The following COL27A1 variants were observed in gnomAD, a reference collection of about 807,000 sequenced individuals.
COL27A1 encodes collagen alpha-1(XXVII) chain.
In COL27A1, 106 loss-of-function variants were observed where a neutral mutation model predicts 251.3. The observed-to-expected ratio is 0.42, with a 90% CI of 0.36 to 0.50. The LOEUF is 0.50. Among genes scored for constraint, COL27A1 ranks in the 20% least tolerant of loss-of-function variants. COL27A1 has a pLI of 0.00. For synonymous variants in COL27A1, 1,000 were observed against 986.3 expected (o/e 1.01, Z -0.26); for missense variants, 2,325 against 2,522.8 (o/e 0.92, Z 1.68).
rs2131615999 is a variant in COL27A1 at position 114,288,475 on chromosome 9, C to A, written c.4008C>A (p.Gly1336=). The A allele has an allele frequency of 6.2e-7, 1 of 1,610,262 alleles. No individual in the cohort carries two copies. The highest frequency in any genetic ancestry group is 1.7e-5 in the Admixed American group (1 of 59,558). ...CACAGGGGGAGCAGGGCGAGGACGG[C>A]AAGGCTGAGGGGCCCCCTGGGCCAC... ...KGEKGEQGED[G]KAEGPPGPPG... The change falls in exon 42 of 61, where the codon GGC becomes GGA. Residue 1336 remains glycine (G), a synonymous_variant. Transcript: ENST00000356083.
intron 4 of COL27A1, among the ~76,000 whole-genome samples, chr9:114,178,748 C>G (rs769831528): frequency 2.0e-5 from 3 of 152,138 alleles, no homozygotes; most frequent in Non-Finnish European, 2.9e-5. Context: ...ACATAGGTAC[C>G]TGGAGGGGCC....
intron 28 of COL27A1, 41 bp from the exon 29 acceptor site, chr9:114,264,314 C>A (rs1392417020): frequency 5.3e-6 from 8 of 1,503,308 alleles, no homozygotes; most frequent in Non-Finnish European, 6.3e-6. Flanking sequence ...CCGAGGGAGA[C>A]CCCTGCTGTC....
chr9:114,240,438 A>C lies in COL27A1; in HGVS notation c.2786A>C (p.Lys929Thr). 6.2e-7 allele frequency: 1 copy of C among 1,613,570 alleles called. No homozygotes were observed. Among genetic ancestry groups the C allele is most frequent in the African/African-American group, 1.3e-5 (1 of 75,044 alleles). ...TTTTTGTTCCCTTCTCCCCAGGGTA[A>C]GCCTGGAGCCCGAGGCCTGCCGGGA... is the stretch of plus-strand genomic sequence containing the variant. ...GDNGPEGMKG[K>T]PGARGLPGPR... Residue 929 changes from lysine to threonine, a missense_variant, in exon 21 of 61, where the codon AAG becomes ACG. Physicochemically the swap from Lys to Thr is moderately conservative, Grantham distance 78. Around this residue, in one of 4 missense-constraint regions of COL27A1, gnomAD observed 662 missense variants for 795.3 expected, o/e 0.83. Transcript: ENST00000356083.
rs749298046 is a variant in COL27A1, at chr9:114,169,295, C to G, written c.1740C>G (p.Pro580=). ...DLTTRPSPRQ[P]QPSQQTTPAL... Reference sequence around the variant, plus strand: ...CAACCAGGCCTAGCCCCAGACAGCCCCAGCCCAGTCAGCAGACCACCCCGG... The same window carrying G: ...CAACCAGGCCTAGCCCCAGACAGCCGCAGCCCAGTCAGCAGACCACCCCGG... The change falls in exon 3 of 61, where the codon CCC becomes CCG. Residue 580 remains proline, a synonymous_variant. Coordinates refer to ENST00000356083, the MANE Select transcript of COL27A1 (RefSeq NM_032888.4). 1.4e-5 allele frequency: 23 copies of G among 1,612,690 alleles called. No individual in the cohort carries two copies. The highest frequency in any genetic ancestry group is 1.7e-5 in the Non-Finnish European group (20 of 1,179,492).
At position 114,287,741 on chromosome 9, in the gene COL27A1, C is replaced by T. The variant is rs570310093; in HGVS notation, c.3988-714C>T. On this transcript the variant is annotated intron_variant, in intron 41 of 60. Transcript: ENST00000356083. ...ACACAGCCCCCATGCTGACTGGCTG[C>T]CAAGTGCCACCTGGGGCTACCATGG... 3.3e-5 allele frequency among the ~76,000 whole-genome samples: 5 copies of T among 152,270 alleles called. No individual in the cohort carries two copies. In the South Asian group the frequency reaches 1.0e-3, roughly 32 times the overall value.
intron 1 of COL27A1, 91 bp from the exon 2 acceptor site, chr9:114,162,624 G>A: frequency 1.1e-6 from 1 of 917,916 alleles, no homozygotes; most frequent in Non-Finnish European, 1.8e-6. Flanking sequence ...GGTGAGACTG[G>A]GACTGGTTTC....
At chr9:114,193,670 G>A (rs1028064508) in intron 5 of COL27A1, among the ~76,000 whole-genome samples, 8 of 152,136 alleles carry the variant, frequency 5.3e-5, no homozygotes, top group Admixed American at 2.0e-4. Context: ...AATCTAGTGC[G>A]GTGAGGGATA....
chr9:114,175,408 C>T (rs1487529499), intron 3 of COL27A1, among the ~76,000 whole-genome samples: 1 of 152,222 alleles, frequency 6.6e-6, no homozygotes, highest in Non-Finnish European at 1.5e-5. Flanking sequence ...GGCAGGGTCT[C>T]GGATCAGGGG....
Position 114,192,286 on chromosome 9 carries a change from C to T in COL27A1, c.2017-2118C>T, listed in dbSNP as rs895548004. Reference sequence around the variant, plus strand: ...TATCAGCTGCAGATCGAGGTGGGCACAGGCTGGCTGAGAAAGAGCTGCTGT... The same window carrying T: ...TATCAGCTGCAGATCGAGGTGGGCATAGGCTGGCTGAGAAAGAGCTGCTGT... On this transcript the variant is annotated intron_variant, in intron 5 of 60. Transcript: ENST00000356083. Among the ~76,000 whole-genome samples, 7 of 152,294 alleles carry T rather than the reference C, an allele frequency of 4.6e-5. No individual in the cohort carries two copies. The South Asian group carries it at 1.5e-3, about 32-fold the overall frequency.
At chr9:114,165,637 TATCCATCCATTTATCC>T (rs937389452) in intron 2 of COL27A1, among the ~76,000 whole-genome samples, 21 of 124,506 alleles carry the variant, frequency 1.7e-4, no homozygotes, top group Non-Finnish European at 2.9e-4. Flanking sequence ...ACTATCCATT[TATCCATCCATTTATCC>T]ATCCATCCAT....
chr9:114,241,170 G>T (rs1319404091), intron 21 of COL27A1, among the ~76,000 whole-genome samples: 1 of 152,248 alleles, frequency 6.6e-6, no homozygotes, highest in Non-Finnish European at 1.5e-5. Context: ...GCACTTAATG[G>T]GTGGGCCCCT....
intron 27 of COL27A1, among the ~76,000 whole-genome samples, chr9:114,253,842 C>T (rs1833744477): frequency 6.6e-6 from 1 of 152,186 alleles, no homozygotes; most frequent in Non-Finnish European, 1.5e-5. Flanking sequence ...TCCATTCACT[C>T]ATTCACTCTG....
intron 41 of COL27A1, among the ~76,000 whole-genome samples, chr9:114,285,695 G>A (rs1827426991): frequency 1.3e-5 from 2 of 152,204 alleles, no homozygotes; most frequent in African/African-American, 2.4e-5. Flanking sequence ...CGCCCCAGCC[G>A]ATTCCACAGG....
chr9:114,297,088 A>C (rs532532842), intron 49 of COL27A1, among the ~76,000 whole-genome samples: 1 of 152,342 alleles, frequency 6.6e-6, no homozygotes, highest in South Asian at 2.1e-4. Flanking sequence ...GGGTGTGAGG[A>C]AAGTTTCTGG....
intron 19 of COL27A1, among the ~76,000 whole-genome samples, chr9:114,239,369 A>G (rs940633367): frequency 2.2e-4 from 33 of 152,374 alleles, no homozygotes; most frequent in African/African-American, 7.7e-4. Flanking sequence ...TGCTGGTTCC[A>G]TTTAAACTTA....
chr9:114,248,915 C>T (rs1833338629), intron 24 of COL27A1, among the ~76,000 whole-genome samples: 1 of 152,190 alleles, frequency 6.6e-6, no homozygotes, highest in African/African-American at 2.4e-5. Context: ...TGACTGCTCC[C>T]TTGTGGGAAG....
chr9:114,206,363 G>A (rs1358099612), intron 10 of COL27A1, 67 bp downstream of exon 10: 2 of 1,513,438 alleles, frequency 1.3e-6, no homozygotes, highest in Non-Finnish European at 1.8e-6. Flanking sequence ...CCCTCCAGTG[G>A]GCTTGATGGG....
At position 114,168,814 on chromosome 9, in the gene COL27A1, G is replaced by C. The variant is rs761618564; in HGVS notation, c.1259G>C (p.Arg420Pro). 1.2e-6 allele frequency: 2 copies of C among 1,613,828 alleles called. No homozygotes were observed. Among genetic ancestry groups the C allele is most frequent in the Non-Finnish European group, 1.7e-6 (2 of 1,179,966 alleles). Residue 420 changes from arginine to proline, a missense_variant, in exon 3 of 61, where the codon CGT becomes CCT. Transcript: ENST00000356083. ...TSRPVPARVS[R>P]PAEKPIQRNP... ...CGTCCAGTTCCTGCCAGAGTCTCCC[G>C]TCCCGCAGAGAAGCCCATCCAGAGG...
At chr9:114,306,253 G>A (rs1447209365) in intron 57 of COL27A1, 12 of 359,996 alleles carry the variant, frequency 3.3e-5, no homozygotes, top group East Asian at 1.1e-4. Flanking sequence ...CCTCATTCAC[G>A]GGGCTCTGCC....
Sources: gnomAD v4.1 joint callset for allele counts (sites outside exome capture counted in the v4.1 genomes callset) on GRCh38, gnomAD v4.1.1 for gene constraint, gnomAD v4.1.1 regional missense constraint, MANE v1.5 for transcripts, NCBI Gene and HGNC (gene_info 2026-07-23, HGNC 2026-07-21) for gene names.